Variants in ADAM23 observed in about 807,000 individuals in gnomAD.
The protein encoded by ADAM23 is ADAM metallopeptidase domain 23, also known as disintegrin and metalloproteinase domain-containing protein 23.
In ADAM23, 33 loss-of-function variants were observed where a neutral mutation model predicts 120.1. The observed-to-expected ratio is 0.27, with a 90% CI of 0.21 to 0.37. The LOEUF is 0.37. Ranked by LOEUF, ADAM23 falls within the 10% of genes least tolerant of loss-of-function variation. The probability of loss-of-function intolerance (pLI) is 1.00; values close to 1 mark genes in which losing one functional copy is unlikely to be tolerated. For missense variants in ADAM23, 862 were observed against 1,058.2 expected, an observed-to-expected ratio of 0.81 and a Z score of 2.57; for synonymous variants, 367 against 375.2, an observed-to-expected ratio of 0.98 and a Z score of 0.25.
intron 11 of ADAM23, 120 bp downstream of exon 11, chr2:206,560,238 C>T (rs1320811054): frequency 5.6e-6 from 6 of 1,071,704 alleles, no homozygotes; most frequent in Non-Finnish European, 7.8e-6. Flanking sequence ...TCTGTGGGTT[C>T]CTTTGTCTGT....
At chr2:206,510,324 A>G (rs1472979191) in intron 3 of ADAM23, among the ~76,000 whole-genome samples, 1 of 152,254 alleles carries the variant, frequency 6.6e-6, no homozygotes, top group Non-Finnish European at 1.5e-5. Context: ...TGCTAAAAAA[A>G]TCCTACTAAA....
intron 4 of ADAM23, among the ~76,000 whole-genome samples, chr2:206,536,052 A>G (rs1354389155): frequency 1.3e-5 from 2 of 152,252 alleles, no homozygotes; most frequent in East Asian, 3.8e-4. Flanking sequence ...TCATCAAACA[A>G]GAATCCTTTA....
chr2:206,550,664 C>T (rs1040201252), intron 9 of ADAM23, among the ~76,000 whole-genome samples: 34 of 149,210 alleles, frequency 2.3e-4, no homozygotes, highest in African/African-American at 5.2e-4. Context: ...TACAGTGGCG[C>T]GATCTCGGCT....
intron 3 of ADAM23, among the ~76,000 whole-genome samples, chr2:206,490,451 G>A (rs937207602): frequency 6.6e-6 from 1 of 152,184 alleles, no homozygotes; most frequent in African/African-American, 2.4e-5. Flanking sequence ...TTCAAGTGCT[G>A]TTTTGAGAAA....
intron 22 of ADAM23, among the ~76,000 whole-genome samples, chr2:206,594,536 G>C (rs747795308): frequency 6.6e-5 from 10 of 152,146 alleles, no homozygotes; most frequent in Admixed American, 1.3e-4. Flanking sequence ...CTGTAATAAT[G>C]ATAATGAAAG....
intron 2 of ADAM23, among the ~76,000 whole-genome samples, chr2:206,447,226 T>G (rs1253754912): frequency 2.6e-5 from 4 of 152,256 alleles, no homozygotes; most frequent in Admixed American, 6.5e-5. Context: ...TTGTTAAACC[T>G]GTACCCACCG....
At chr2:206,496,759 A>G (rs1371932477) in intron 3 of ADAM23, among the ~76,000 whole-genome samples, 1 of 152,346 alleles carries the variant, frequency 6.6e-6, no homozygotes, top group East Asian at 1.9e-4. Context: ...TGCTAGCAAG[A>G]CTAATAAAGA....
At chr2:206,617,404 T>G (rs1698954844) in intron 25 of ADAM23, among the ~76,000 whole-genome samples, 175 bp from the exon 26 acceptor site, 1 of 152,202 alleles carries the variant, frequency 6.6e-6, no homozygotes, top group Non-Finnish European at 1.5e-5. Context: ...TCAAAAACAT[T>G]AGCTGTTCTG....
At chr2:206,575,596 T>C (rs1698095934) in intron 18 of ADAM23, among the ~76,000 whole-genome samples, 4 of 152,070 alleles carry the variant, frequency 2.6e-5, no homozygotes. Flanking sequence ...CCCAATAGAG[T>C]ACACTTGGCA....
At chr2:206,450,141 A>G (rs1422438852) in intron 2 of ADAM23, among the ~76,000 whole-genome samples, 1 of 152,196 alleles carries the variant, frequency 6.6e-6, no homozygotes. Context: ...TGTCTCTGCC[A>G]TGAGATGTTA....
intron 13 of ADAM23, 91 bp from the exon 14 acceptor site, chr2:206,564,926 TAAA>T (rs1697847449): frequency 1.5e-6 from 2 of 1,331,086 alleles, no homozygotes; most frequent in African/African-American, 2.9e-5. Flanking sequence ...GAATTGGTAA[TAAA>T]GAATTATTGT....
intron 22 of ADAM23, 131 bp from the exon 23 acceptor site, chr2:206,594,606 G>C (rs1040229524): frequency 2.3e-5 from 21 of 931,166 alleles, no homozygotes; most frequent in Non-Finnish European, 3.1e-5. Flanking sequence ...AGAAGAAGAG[G>C]AGTAAGAAAA....
chr2:206,606,425 T>C (rs1304546698), intron 24 of ADAM23: 4 of 152,222 alleles, frequency 2.6e-5, no homozygotes, highest in African/African-American at 9.6e-5. Flanking sequence ...CATACTGCCT[T>C]CCTATTTTTC....
intron 1 of ADAM23, among the ~76,000 whole-genome samples, chr2:206,444,654 A>G (rs1695038940): frequency 6.6e-6 from 1 of 152,210 alleles, no homozygotes; most frequent in Non-Finnish European, 1.5e-5. Context: ...CATCTTCTAT[A>G]TATTGATGAT....
At chr2:206,589,898 G>A (rs1203040097) in intron 21 of ADAM23, among the ~76,000 whole-genome samples, 1 of 152,024 alleles carries the variant, frequency 6.6e-6, no homozygotes, top group African/African-American at 2.4e-5. Flanking sequence ...TATATAGACC[G>A]TATATATTTT....
intron 2 of ADAM23, among the ~76,000 whole-genome samples, chr2:206,473,526 C>T (rs1695705352): frequency 6.6e-6 from 1 of 151,124 alleles, no homozygotes; most frequent in South Asian, 2.1e-4. Context: ...TTGAGGAGGC[C>T]AGGAGTTCAA....
Position 206,550,153 on chromosome 2 carries a change from A to C in ADAM23, c.926A>C (p.His309Pro). 1 of 1,573,026 alleles carries C rather than the reference A, an allele frequency of 6.4e-7. No individual in the cohort carries two copies. Among genetic ancestry groups the C allele is most frequent in the Non-Finnish European group, 8.7e-7 (1 of 1,146,650 alleles). The change falls in exon 9 of 26, where the codon CAC becomes CCC. Residue 309 changes from histidine to proline, a missense_variant. This residue lies in a region of ADAM23 where 617 missense variants were observed against 813.5 expected (regional missense o/e 0.76). Coordinates refer to ENST00000264377, the MANE Select transcript of ADAM23 (RefSeq NM_003812.4). ...KYLELMIVND[H>P]KTYKKHRSSH... Reference sequence around the variant, plus strand: ...TTGGAACTTATGATTGTTAATGATCACAAAACGGTAAGAATATAGAGTCAG... The same window carrying C: ...TTGGAACTTATGATTGTTAATGATCCCAAAACGGTAAGAATATAGAGTCAG...
chr2:206,573,272 G>C, intron 18 of ADAM23, 77 bp downstream of exon 18: 1 of 1,386,526 alleles, frequency 7.2e-7, no homozygotes, highest in Non-Finnish European at 1.0e-6. Context: ...CTTGGGGCCA[G>C]AAGTGTTTCA....
chr2:206,501,996 A>G (rs1696397370), intron 3 of ADAM23, among the ~76,000 whole-genome samples: 1 of 152,148 alleles, frequency 6.6e-6, no homozygotes, highest in African/African-American at 2.4e-5. Context: ...TTATTCTAAA[A>G]ATTAAATTTG....
Sources: gnomAD v4.1 joint callset for allele counts (sites outside exome capture counted in the v4.1 genomes callset) on GRCh38, gnomAD v4.1.1 for gene constraint, gnomAD v4.1.1 regional missense constraint, MANE v1.5 for transcripts, NCBI Gene and HGNC (gene_info 2026-07-23, HGNC 2026-07-21) for gene names.